Variants in ADGRB3 observed in about 807,000 individuals in gnomAD.
ADGRB3 encodes the protein brain-specific angiogenesis inhibitor 3.
A neutral mutation model predicts 193.4 loss-of-function variants in ADGRB3; 37 were observed. The observed-to-expected ratio is 0.19, with a 90% CI of 0.15 to 0.25. The LOEUF (loss-of-function observed/expected upper bound fraction) is 0.25. ADGRB3 is among the 10% of genes least tolerant of loss of function. The pLI is 1.00. For synonymous variants in ADGRB3, 690 were observed against 644.2 expected (o/e 1.07, Z -1.08); for missense variants, 1,637 against 1,852.9 (o/e 0.88, Z 2.14).
intron 31 of ADGRB3, among the ~76,000 whole-genome samples, chr6:69,388,220 G>A (rs552241216): frequency 1.3e-5 from 2 of 152,078 alleles, no homozygotes; most frequent in South Asian, 4.2e-4. Context: ...GAAAAACTAG[G>A]CATAGTGATC....
intron 29 of ADGRB3, among the ~76,000 whole-genome samples, chr6:69,366,075 C>A (rs1769560587): frequency 6.6e-6 from 1 of 151,996 alleles, no homozygotes; most frequent in South Asian, 2.1e-4. Flanking sequence ...TAACAGAAAC[C>A]ATTATAAAAT....
chr6:69,319,606 T>C (rs924427878), intron 20 of ADGRB3, among the ~76,000 whole-genome samples: 9 of 151,560 alleles, frequency 5.9e-5, no homozygotes, highest in African/African-American at 2.2e-4. Flanking sequence ...TTCATATACT[T>C]TGAAAAATTA....
At chr6:68,854,128 T>C (rs778108308) in intron 3 of ADGRB3, among the ~76,000 whole-genome samples, 15 of 152,210 alleles carry the variant, frequency 9.9e-5, no homozygotes, top group Non-Finnish European at 1.6e-4. Context: ...TCAAAGGCTC[T>C]ATGTGCACAG....
intron 17 of ADGRB3, among the ~76,000 whole-genome samples, chr6:69,103,229 T>C (rs1330053910): frequency 1.3e-5 from 2 of 152,198 alleles, no homozygotes; most frequent in Non-Finnish European, 2.9e-5. Context: ...ATGTTTCTGG[T>C]GTACTGAAAT....
chr6:69,356,384 G>A (rs141819318), intron 28 of ADGRB3, among the ~76,000 whole-genome samples: 2 of 152,150 alleles, frequency 1.3e-5, no homozygotes, highest in Non-Finnish European at 2.9e-5. Context: ...TCAAAATGGT[G>A]GATTAGCATT....
intron 17 of ADGRB3, among the ~76,000 whole-genome samples, chr6:69,210,352 C>G (rs2127238710): frequency 6.6e-6 from 1 of 151,584 alleles, no homozygotes; most frequent in Non-Finnish European, 1.5e-5. Flanking sequence ...GCCAGTCTCT[C>G]TTTTCACATT....
intron 3 of ADGRB3, among the ~76,000 whole-genome samples, chr6:68,644,799 G>C (rs1462367852): frequency 6.6e-6 from 1 of 152,124 alleles, no homozygotes; most frequent in Non-Finnish European, 1.5e-5. Context: ...GTAGACAATA[G>C]ATTTAACATA....
rs978007343 is a variant in ADGRB3, at chr6:69,343,160, A to AT, written c.3459+3665dup. ...TATTTTATTTTTTTTATTTTTTTTT[A>AT]TTTTTTTTTCCTGCCTTTGTAATTC... On this transcript the variant is annotated intron_variant, in intron 26 of 31. Transcript: ENST00000370598. Among the ~76,000 whole-genome samples the AT allele has an allele frequency of 2.4e-4, 34 of 143,602 alleles. No individual in the cohort carries two copies. In the South Asian group the frequency reaches 2.5e-3, roughly 11 times the overall value. 94.2% of individuals were successfully genotyped at this position (143,602 alleles called of 152,430 possible). A position where few individuals can be genotyped will look rare whatever the true frequency, so the allele number is the denominator to read the frequency against.
intron 17 of ADGRB3, among the ~76,000 whole-genome samples, chr6:69,096,322 AATTGT>A (rs1489986528): frequency 1.1e-4 from 16 of 150,932 alleles, no homozygotes; most frequent in African/African-American, 3.6e-4. Flanking sequence ...AATTAAAGAC[AATTGT>A]ATTGTGTCCA....
chr6:69,385,811 A>T (rs963495907), intron 31 of ADGRB3, among the ~76,000 whole-genome samples: 6 of 152,032 alleles, frequency 3.9e-5, no homozygotes, highest in African/African-American at 1.4e-4. Context: ...TTCATCATTT[A>T]CTTGGACAAT....
intron 3 of ADGRB3, among the ~76,000 whole-genome samples, chr6:68,853,102 A>G (rs1444488226): frequency 6.6e-6 from 1 of 152,066 alleles, no homozygotes; most frequent in African/African-American, 2.4e-5. Context: ...TAGAGCCTAG[A>G]TTTTATTCCA....
chr6:69,119,507 G>A (rs1443654141), intron 17 of ADGRB3, among the ~76,000 whole-genome samples: 1 of 152,222 alleles, frequency 6.6e-6, no homozygotes, highest in Admixed American at 6.5e-5. Flanking sequence ...TGATGTGTTA[G>A]GAATTGTGGT....
rs182382490 is a variant in ADGRB3 at position 68,882,806 on chromosome 6, A to C, written c.758-47753A>C. Among the ~76,000 whole-genome samples, 337 of 152,338 alleles carry C rather than the reference A, an allele frequency of 2.2e-3. 3 individuals are homozygous for C. Among genetic ancestry groups the C allele is most frequent in the African/African-American group, 7.6e-3 (315 of 41,576 alleles). ...CCCTTCTGAAATAATGTGATATGAA[A>C]GAGTCCCTTAATGGTTATTTCCCTG... On this transcript the variant is annotated intron_variant, in intron 3 of 31. Coordinates refer to ENST00000370598, the MANE Select transcript of ADGRB3 (RefSeq NM_001704.3).
intron 17 of ADGRB3, among the ~76,000 whole-genome samples, chr6:69,140,542 TATAAAA>T (rs1364249134): frequency 6.6e-6 from 1 of 152,080 alleles, no homozygotes; most frequent in Non-Finnish European, 1.5e-5. Flanking sequence ...GGTTAATGGG[TATAAAA>T]ATATAATTGG....
intron 3 of ADGRB3, among the ~76,000 whole-genome samples, chr6:68,715,703 T>C (rs1427389643): frequency 6.6e-6 from 1 of 151,874 alleles, no homozygotes; most frequent in Non-Finnish European, 1.5e-5. Flanking sequence ...TTGCTTTACA[T>C]ACATGCTAAT....
intron 29 of ADGRB3, among the ~76,000 whole-genome samples, chr6:69,368,606 GA>G (rs1230412240): frequency 2.0e-5 from 3 of 152,082 alleles, no homozygotes; most frequent in African/African-American, 4.8e-5. Flanking sequence ...GAGAATAAGA[GA>G]AAGAAGAGAG....
chr6:69,273,062 G>A (rs567229731), intron 20 of ADGRB3, among the ~76,000 whole-genome samples: 7 of 152,118 alleles, frequency 4.6e-5, no homozygotes, highest in South Asian at 2.1e-4. Context: ...CACCATGCCC[G>A]GCTAATTTTT....
chr6:68,787,158 A>C lies in ADGRB3; in HGVS notation c.758-143401A>C, dbSNP rs533855354. ...AATACCCTTTATTTCCTTCTCCTGCATGATTGCCCTGGCCAGAACTTCCAA... is the reference window on the plus strand; with the variant it reads ...AATACCCTTTATTTCCTTCTCCTGCCTGATTGCCCTGGCCAGAACTTCCAA... On this transcript the variant is annotated intron_variant, in intron 3 of 31. Transcript: ENST00000370598. Among the ~76,000 whole-genome samples the C allele has an allele frequency of 2.4e-3, 369 of 152,062 alleles. 4 individuals carry two copies. The highest frequency in any genetic ancestry group is 0.019 in the East Asian group (100 of 5,156).
intron 3 of ADGRB3, among the ~76,000 whole-genome samples, chr6:68,648,616 G>A (rs763188526): frequency 1.9e-4 from 28 of 150,614 alleles, no homozygotes; most frequent in Non-Finnish European, 3.5e-4. Context: ...AGTCAACCAC[G>A]GAAGATTATG....
Sources: allele counts gnomAD v4.1 joint callset (sites outside exome capture counted in the v4.1 genomes callset), GRCh38; gene constraint gnomAD v4.1.1; transcripts MANE v1.5; gene names NCBI Gene and HGNC (gene_info 2026-07-23, HGNC 2026-07-21).